The following FAM135A variants were observed in gnomAD, a reference collection of about 807,000 sequenced individuals.
FAM135A encodes family with sequence similarity 135 member A.
Under a neutral mutation model 146.8 loss-of-function variants are expected in FAM135A, and 79 were observed. The observed-to-expected ratio is 0.54, with a 90% CI of 0.45 to 0.65. The LOEUF (loss-of-function observed/expected upper bound fraction) is 0.65, where lower values mean the gene tolerates loss of function less well. FAM135A is among the 30% of genes least tolerant of loss of function. The pLI is 0.00. For missense variants in FAM135A, 1,623 were observed against 1,758.2 expected, an observed-to-expected ratio of 0.92 and a Z score of 1.38; for synonymous variants, 562 against 603.6, an observed-to-expected ratio of 0.93 and a Z score of 1.01.
chr6:70,556,399 A>T (rs1458637940), intron 20 of FAM135A, among the ~76,000 whole-genome samples: 2 of 152,224 alleles, frequency 1.3e-5, no homozygotes, highest in Admixed American at 6.5e-5. Flanking sequence ...CTTTGGAAAT[A>T]GTCCTAAATA....
At chr6:70,515,355 G>T (rs888658157) in intron 12 of FAM135A, among the ~76,000 whole-genome samples, 1 of 152,204 alleles carries the variant, frequency 6.6e-6, no homozygotes, top group Non-Finnish European at 1.5e-5. Context: ...AAGCAACCAA[G>T]ATGTCCTTCA....
chr6:70,521,492 C>T (rs1793571876), intron 12 of FAM135A, among the ~76,000 whole-genome samples: 1 of 152,174 alleles, frequency 6.6e-6, no homozygotes, highest in Non-Finnish European at 1.5e-5. Flanking sequence ...TCCCACTTCC[C>T]TCATTGACTT....
At position 70,559,850 on chromosome 6, in the gene FAM135A, A is replaced by G. The variant is rs1321160911; in HGVS notation, c.4477A>G (p.Ile1493Val). 2 of 1,614,144 alleles carry G rather than the reference A, an allele frequency of 1.2e-6. No individual in the cohort carries two copies. Among genetic ancestry groups the G allele is most frequent in the South Asian group, 2.2e-5 (2 of 91,088 alleles). Reference protein sequence around the residue: ...ADSLIGRAAHIAVLDSEIFLE... With the variant: ...ADSLIGRAAHVAVLDSEIFLE... ...TTCACTCATTGGGAGAGCTGCACAT[A>G]TAGCTGTTCTTGATTCGGAAATATT... The change falls in exon 22 of 22, where the codon ATA becomes GTA. Residue 1493 changes from isoleucine (I) to valine (V), a missense_variant. By Grantham distance (29) the Ile-to-Val change is conservative. Around this residue, in one of 7 missense-constraint regions of FAM135A, gnomAD observed 138 missense variants for 174.1 expected, o/e 0.79. Coordinates refer to ENST00000418814, the MANE Select transcript of FAM135A (RefSeq NM_001162529.3).
At chr6:70,462,365 A>G (rs1016336368) in intron 5 of FAM135A, among the ~76,000 whole-genome samples, 1 of 152,178 alleles carries the variant, frequency 6.6e-6, no homozygotes, top group Non-Finnish European at 1.5e-5. Context: ...TGGTGTCTGT[A>G]AAATGTATAT....
chr6:70,442,297 TG>T (rs1412275367), intron 4 of FAM135A, among the ~76,000 whole-genome samples: 1 of 150,440 alleles, frequency 6.6e-6, no homozygotes, highest in African/African-American at 2.5e-5. Context: ...GTCAAAATAC[TG>T]TGTTTTAAAA....
In FAM135A at chr6:70,550,714, TC is replaced by T. The variant is rs369023647; in HGVS notation, c.4229-6034del. 3.6e-4 allele frequency among the ~76,000 whole-genome samples: 55 copies of T among 152,304 alleles called. 1 individual carries two copies. The East Asian group carries it at 0.01, about 28-fold the overall frequency. On this transcript the variant is annotated intron_variant, in intron 20 of 21. Transcript: ENST00000418814. ...GATTTCAAGGCCCCAGCTGCATTAA[TC>T]CGTAACAAGAGAGTCAGCTTGCCCT...
At chr6:70,501,576 C>G (rs1201352894) in intron 11 of FAM135A, among the ~76,000 whole-genome samples, 1 of 152,214 alleles carries the variant, frequency 6.6e-6, no homozygotes, top group African/African-American at 2.4e-5. Context: ...AGTGTCTGCC[C>G]AAACAGCTGC....
At chr6:70,445,029 T>C (rs910877175) in intron 4 of FAM135A, among the ~76,000 whole-genome samples, 1 of 152,224 alleles carries the variant, frequency 6.6e-6, no homozygotes, top group African/African-American at 2.4e-5. Flanking sequence ...TAATGATTCA[T>C]AGTGTGCATA....
intron 11 of FAM135A, among the ~76,000 whole-genome samples, chr6:70,494,803 A>T (rs2128227914): frequency 6.6e-6 from 1 of 152,274 alleles, no homozygotes; most frequent in Admixed American, 6.5e-5. Context: ...TTTCAGGAAG[A>T]ATAAAAAGAG....
At chr6:70,521,273 C>T (rs989261153) in intron 12 of FAM135A, among the ~76,000 whole-genome samples, 1 of 152,134 alleles carries the variant, frequency 6.6e-6, no homozygotes, top group Non-Finnish European at 1.5e-5. Context: ...GCGCCAGTTT[C>T]GTAGGTCCAG....
intron 20 of FAM135A, among the ~76,000 whole-genome samples, chr6:70,555,342 T>C (rs953184647): frequency 1.3e-5 from 2 of 152,180 alleles, no homozygotes; most frequent in East Asian, 3.9e-4. Context: ...CATGGCTCAC[T>C]GCAGCCTGCA....
intron 20 of FAM135A, among the ~76,000 whole-genome samples, chr6:70,545,277 C>G (rs910945726): frequency 6.6e-6 from 1 of 151,848 alleles, no homozygotes; most frequent in Non-Finnish European, 1.5e-5. Flanking sequence ...TAGTATATAC[C>G]TGAATTGAAT....
At chr6:70,432,292 T>A (rs1318121474) in intron 4 of FAM135A, among the ~76,000 whole-genome samples, 3 of 152,146 alleles carry the variant, frequency 2.0e-5, no homozygotes, top group Admixed American at 1.3e-4. Context: ...CTAAAGAGCA[T>A]CTCTTTCTCT....
chr6:70,557,846 G>A (rs547710483), intron 21 of FAM135A, among the ~76,000 whole-genome samples: 74 of 152,124 alleles, frequency 4.9e-4, no homozygotes, highest in Non-Finnish European at 5.6e-4. Flanking sequence ...ACTGTCTTAA[G>A]CACATTTTTA....
chr6:70,482,930 TAA>T (rs67358125), intron 10 of FAM135A, among the ~76,000 whole-genome samples: 32,953 of 151,976 alleles, frequency 0.22, 4,520 homozygotes, highest in East Asian at 0.47. Flanking sequence ...TATTGTTTTA[TAA>T]GTTTTTTAAT....
At chr6:70,494,617 ATTAT>A (rs1267701475) in intron 11 of FAM135A, among the ~76,000 whole-genome samples, 1 of 152,000 alleles carries the variant, frequency 6.6e-6, no homozygotes, top group Non-Finnish European at 1.5e-5. Context: ...GAATTATATT[ATTAT>A]TTATTTTGGT....
chr6:70,441,713 C>T (rs1774523778), intron 4 of FAM135A, among the ~76,000 whole-genome samples: 2 of 142,742 alleles, frequency 1.4e-5, no homozygotes, highest in Non-Finnish European at 3.0e-5. Context: ...GAGATGGAGT[C>T]TCACTCTGTC....
rs186161832 is a variant in FAM135A, at chr6:70,514,354, T to C, written c.1030-8159T>C. Among the ~76,000 whole-genome samples, 8 of 152,274 alleles carry C rather than the reference T, an allele frequency of 5.3e-5. No homozygotes were observed. The East Asian group carries it at 1.5e-3, about 29-fold the overall frequency. ...TTTGGTTCTCTTCACGTATAATACTTCCATTTTTATGCTGAGAAGCCCTGT... is the reference window on the plus strand; with the variant it reads ...TTTGGTTCTCTTCACGTATAATACTCCCATTTTTATGCTGAGAAGCCCTGT... On this transcript the variant is annotated intron_variant, in intron 12 of 21. Coordinates refer to ENST00000418814, the MANE Select transcript of FAM135A (RefSeq NM_001162529.3).
chr6:70,434,415 T>C (rs1772477625), intron 4 of FAM135A, among the ~76,000 whole-genome samples: 1 of 152,236 alleles, frequency 6.6e-6, no homozygotes, highest in Non-Finnish European at 1.5e-5. Flanking sequence ...CAGTAGCTTG[T>C]CTGCAGATGG....
Sources: allele counts gnomAD v4.1 joint callset (sites outside exome capture counted in the v4.1 genomes callset), GRCh38; gene constraint gnomAD v4.1.1; regional missense constraint gnomAD v4.1.1; transcripts MANE v1.5; gene names NCBI Gene and HGNC (gene_info 2026-07-23, HGNC 2026-07-21).